ENTREP2: variants seen among roughly 807,000 people sequenced by gnomAD.
ENTREP2 encodes the protein endosomal transmembrane epsin interactor 2, also known as protein ENTREP2.
the ENTREP2 span, among the ~76,000 whole-genome samples, chr15:29,408,242 A>T: frequency 1.3e-5 from 2 of 152,042 alleles, no homozygotes; most frequent in Non-Finnish European, 2.9e-5. Flanking sequence ...CCAGCAGTTT[A>T]AAAAAAAGAC....
the ENTREP2 span, among the ~76,000 whole-genome samples, chr15:29,458,943 G>A: frequency 2.6e-5 from 4 of 152,130 alleles, no homozygotes; most frequent in East Asian, 5.8e-4. Context: ...AATGGCAGGC[G>A]TGGATTCAGC....
At chr15:29,561,693 T>TATA in the ENTREP2 span, among the ~76,000 whole-genome samples, 79,176 of 147,448 alleles carry the variant, frequency 0.54, 21,590 homozygotes, top group Non-Finnish European at 0.6. Context: ...ATCTCAAAAT[T>TATA]ATAATAATAA....
At chr15:29,576,355 CA>C in the ENTREP2 span, among the ~76,000 whole-genome samples, 1 of 152,116 alleles carries the variant, frequency 6.6e-6, no homozygotes, top group African/African-American at 2.4e-5. Flanking sequence ...AATAAAAGAG[CA>C]AAAACTATGG....
the ENTREP2 span, among the ~76,000 whole-genome samples, chr15:29,305,823 A>G: frequency 2.0e-5 from 3 of 152,192 alleles, no homozygotes; most frequent in Admixed American, 2.0e-4. Context: ...TGAACTAAAG[A>G]TAGTTTTTAA....
At chr15:29,424,464 C>G in the ENTREP2 span, among the ~76,000 whole-genome samples, 1 of 152,150 alleles carries the variant, frequency 6.6e-6, no homozygotes. Flanking sequence ...CAAATCCCCA[C>G]CTGACCCAGA....
the ENTREP2 span, among the ~76,000 whole-genome samples, chr15:29,514,343 A>G: frequency 6.6e-6 from 1 of 152,188 alleles, no homozygotes; most frequent in African/African-American, 2.4e-5. Context: ...TTCACTTAGC[A>G]TAATGTCCTC....
the ENTREP2 span, among the ~76,000 whole-genome samples, chr15:29,635,146 T>G: frequency 6.6e-6 from 1 of 152,242 alleles, no homozygotes; most frequent in South Asian, 2.1e-4. Flanking sequence ...CCCGGCCTCC[T>G]TAGGGTTTTT....
chr15:29,664,079 T>C, the ENTREP2 span, among the ~76,000 whole-genome samples: 1 of 151,852 alleles, frequency 6.6e-6, no homozygotes, highest in Admixed American at 6.6e-5. Context: ...ATTTTGATAA[T>C]AAATTGCTCC....
the ENTREP2 span, among the ~76,000 whole-genome samples, chr15:29,516,454 A>G: frequency 6.6e-6 from 1 of 152,236 alleles, no homozygotes; most frequent in African/African-American, 2.4e-5. Context: ...GTAACAATAC[A>G]ATATCATGTC....
the ENTREP2 span, among the ~76,000 whole-genome samples, chr15:29,372,754 G>A: frequency 1.3e-5 from 2 of 152,130 alleles, no homozygotes; most frequent in Non-Finnish European, 1.5e-5. Context: ...TTAAAACAAT[G>A]TAGTGTTGTC....
At chr15:29,356,378 C>G in the ENTREP2 span, among the ~76,000 whole-genome samples, 7 of 134,484 alleles carry the variant, frequency 5.2e-5, no homozygotes, top group African/African-American at 8.3e-5. Context: ...GTGATCTCAG[C>G]TCACTGCAGG....
the ENTREP2 span, chr15:29,196,539 C>T: frequency 6.4e-7 from 1 of 1,551,394 alleles, no homozygotes; most frequent in Non-Finnish European, 8.7e-7. Flanking sequence ...ACAGCAGACA[C>T]ACACCTCCAC....
chr15:29,467,322 T>C, the ENTREP2 span, among the ~76,000 whole-genome samples: 23 of 152,154 alleles, frequency 1.5e-4, no homozygotes, highest in African/African-American at 5.3e-4. Context: ...AAAGTTCAAA[T>C]CCAAGTCACT....
the ENTREP2 span, among the ~76,000 whole-genome samples, chr15:29,499,948 A>AT: frequency 6.6e-6 from 1 of 152,180 alleles, no homozygotes; most frequent in Non-Finnish European, 1.5e-5. Context: ...GCTGGAGTGT[A>AT]TACACTAATA....
At chr15:29,606,637 C>A in the ENTREP2 span, among the ~76,000 whole-genome samples, 1 of 151,926 alleles carries the variant, frequency 6.6e-6, no homozygotes, top group Non-Finnish European at 1.5e-5. Flanking sequence ...GCATTTTTCT[C>A]AAAAAATCCT....
At chr15:29,622,879 G>T in the ENTREP2 span, among the ~76,000 whole-genome samples, 5 of 152,196 alleles carry the variant, frequency 3.3e-5, no homozygotes, top group Non-Finnish European at 7.3e-5. Flanking sequence ...GCAGAGAGCG[G>T]TGTGAGGCTG....
At chr15:29,627,245 A>G in the ENTREP2 span, among the ~76,000 whole-genome samples, 1 of 152,096 alleles carries the variant, frequency 6.6e-6, no homozygotes, top group African/African-American at 2.4e-5. Flanking sequence ...GTATTAGTGC[A>G]TTCAAAATGT....
At chr15:29,578,314 C>T in the ENTREP2 span, among the ~76,000 whole-genome samples, 789 of 152,242 alleles carry the variant, frequency 5.2e-3, 7 homozygotes, top group African/African-American at 0.018. Context: ...TAGTTCCACT[C>T]CTAGGTATAT....
chr15:29,281,897 C>T, the ENTREP2 span, among the ~76,000 whole-genome samples: 1 of 152,166 alleles, frequency 6.6e-6, no homozygotes, highest in Admixed American at 6.5e-5. Context: ...TGCTCAAGTT[C>T]AGGTAGACTA....
Sources: gnomAD v4.1 joint callset for allele counts (sites outside exome capture counted in the v4.1 genomes callset) on GRCh38, gnomAD v4.1.1 for gene constraint, MANE v1.5 for transcripts, NCBI Gene and HGNC (gene_info 2026-07-23, HGNC 2026-07-21) for gene names.